INPP4B: variants seen among roughly 807,000 people sequenced by gnomAD.
The protein encoded by INPP4B is inositol polyphosphate 4-phosphatase type II.
In INPP4B, 55 loss-of-function variants were observed where a neutral mutation model predicts 122.5. That is an observed-to-expected ratio of 0.45 (90% CI 0.36 to 0.56). The LOEUF (loss-of-function observed/expected upper bound fraction) is 0.56. Among genes scored for constraint, INPP4B ranks in the 20% least tolerant of loss-of-function variants. INPP4B has a pLI of 0.00. For synonymous variants in INPP4B, 403 were observed against 388.7 expected (o/e 1.04, Z -0.43); for missense variants, 1,000 against 1,097.7 (o/e 0.91, Z 1.26).
At chr4:142,346,606 A>G (rs931909172) in intron 7 of INPP4B, among the ~76,000 whole-genome samples, 2 of 152,026 alleles carry the variant, frequency 1.3e-5, no homozygotes, top group African/African-American at 4.8e-5. Flanking sequence ...AAGAGAAAGA[A>G]TACTACAAAA....
intron 25 of INPP4B, among the ~76,000 whole-genome samples, chr4:142,041,223 T>A (rs1366738325): frequency 6.6e-6 from 1 of 152,148 alleles, no homozygotes. Context: ...GTTCTTCCCC[T>A]TAAAATGAGA....
intron 2 of INPP4B, among the ~76,000 whole-genome samples, chr4:142,569,013 A>T (rs1321594044): frequency 6.6e-6 from 1 of 152,182 alleles, no homozygotes; most frequent in Non-Finnish European, 1.5e-5. Context: ...AAAATGTTTT[A>T]GATAAATCAG....
chr4:142,110,415 T>C (rs1789428183), intron 22 of INPP4B, among the ~76,000 whole-genome samples: 1 of 152,150 alleles, frequency 6.6e-6, no homozygotes, highest in South Asian at 2.1e-4. Flanking sequence ...AGCAGACTAA[T>C]AGTATTTATT....
At chr4:142,032,041 G>A (rs1740558302) in intron 25 of INPP4B, among the ~76,000 whole-genome samples, 2 of 152,162 alleles carry the variant, frequency 1.3e-5, no homozygotes, top group Non-Finnish European at 2.9e-5. Flanking sequence ...ATTTTAAATA[G>A]GAAAGTTAGA....
chr4:142,442,411 C>CAAA (rs70949167), intron 3 of INPP4B, among the ~76,000 whole-genome samples: 46,004 of 78,396 alleles, frequency 0.59, 15,040 homozygotes, highest in Non-Finnish European at 0.73. Context: ...GACTCCATCT[C>CAAA]AAAAAAAAAA....
rs894216661 is a variant in INPP4B, at chr4:142,431,042, A to C, written c.91+127T>G. ...TAGTGCAAAGGAAAAATACTTTGGT[A>C]ATTTCATGCCATTTATTAGAACCGA... On this transcript the variant is annotated intron_variant, in intron 4 of 25. Coordinates refer to ENST00000262992, the MANE Select transcript of INPP4B (RefSeq NM_001101669.3). 2.1e-5 allele frequency: 14 copies of C among 659,268 alleles called. No individual in the cohort carries two copies. In the South Asian group the frequency reaches 2.7e-4, roughly 13 times the overall value. 40.8% of individuals were successfully genotyped at this position (659,268 alleles called of 1,614,324 possible). A position where few individuals can be genotyped will look rare whatever the true frequency, so the allele number is the denominator to read the frequency against.
chr4:142,059,573 G>T (rs1301247016), intron 25 of INPP4B, among the ~76,000 whole-genome samples: 1 of 152,056 alleles, frequency 6.6e-6, no homozygotes, highest in Admixed American at 6.6e-5. Context: ...CTCAAAAATT[G>T]CTTACTTGTT....
Position 142,160,480 on chromosome 4 carries a change from T to C in INPP4B, c.1441A>G (p.Ile481Val), listed in dbSNP as rs753622557. 9 of 1,612,784 alleles carry C rather than the reference T, an allele frequency of 5.6e-6. No homozygotes were observed. In the East Asian group the frequency reaches 8.9e-5, roughly 16 times the overall value. ...TTAGGAGAGGGTGGCTTCTTAAGAA[T>C]GCCTCCTGGCCTTGCAGTGTAGAGT... ...LALYTARPGG[I>V]LKKPPSPKSS... is the part of the protein sequence containing the mutation. The change falls in exon 17 of 26, where the codon ATT (isoleucine) becomes GTT (valine). Residue 481 changes from isoleucine to valine, a missense_variant. Transcript: ENST00000262992.
At chr4:142,068,212 T>A (rs1561002235) in intron 25 of INPP4B, among the ~76,000 whole-genome samples, 1 of 152,186 alleles carries the variant, frequency 6.6e-6, no homozygotes, top group Admixed American at 6.5e-5. Context: ...CAACCCAGAA[T>A]TTCATATCCA....
chr4:142,617,508 G>T (rs1279161597), intron 2 of INPP4B, among the ~76,000 whole-genome samples: 1 of 152,036 alleles, frequency 6.6e-6, no homozygotes, highest in Non-Finnish European at 1.5e-5. Flanking sequence ...AAAAGCTCAC[G>T]GCTGGAGAGA....
intron 2 of INPP4B, among the ~76,000 whole-genome samples, chr4:142,680,158 AT>A (rs999960540): frequency 7.9e-5 from 12 of 151,818 alleles, no homozygotes; most frequent in Non-Finnish European, 1.6e-4. Context: ...AGACTTCATT[AT>A]TTTTAGACTA....
intron 23 of INPP4B, among the ~76,000 whole-genome samples, chr4:142,086,556 T>A (rs1776890222): frequency 6.6e-6 from 1 of 152,094 alleles, no homozygotes; most frequent in Non-Finnish European, 1.5e-5. Flanking sequence ...GTTTGGCCAT[T>A]GTCACCCAGG....
chr4:142,806,106 C>T (rs1221882424), intron 1 of INPP4B, among the ~76,000 whole-genome samples: 1 of 151,648 alleles, frequency 6.6e-6, no homozygotes, highest in Non-Finnish European at 1.5e-5. Context: ...GGTGAAACCC[C>T]GTCTGTACTA....
At chr4:142,108,632 C>T (rs1469797974) in intron 22 of INPP4B, among the ~76,000 whole-genome samples, 1 of 152,132 alleles carries the variant, frequency 6.6e-6, no homozygotes, top group African/African-American at 2.4e-5. Flanking sequence ...CTGGGCTGCA[C>T]GCAGTCTTGC....
rs373068246 is a variant in INPP4B, at chr4:142,136,939, C to T, written c.1720+8901G>A. On this transcript the variant is annotated intron_variant, in intron 18 of 25. Transcript: ENST00000262992. ...ACTCATGGGCAGGAAGAATCAATAT[C>T]GTGAAAATGGCCATACTGCCCAAGG... 3.3e-3 allele frequency among the ~76,000 whole-genome samples: 506 copies of T among 152,200 alleles called. 3 individuals carry two copies. Among genetic ancestry groups the T allele is most frequent in the African/African-American group, 0.011 (451 of 41,528 alleles).
chr4:142,469,410 CAGCATAAAT>C (rs1487698853), intron 2 of INPP4B, among the ~76,000 whole-genome samples: 1 of 151,994 alleles, frequency 6.6e-6, no homozygotes, highest in African/African-American at 2.4e-5. Context: ...GAAATATTTA[CAGCATAAAT>C]ATCAATTCCT....
chr4:142,223,816 G>C (rs142321806), intron 12 of INPP4B, among the ~76,000 whole-genome samples: 21 of 152,192 alleles, frequency 1.4e-4, no homozygotes, highest in Non-Finnish European at 2.6e-4. Context: ...CAATGGTAGA[G>C]CCCTGATGTG....
At chr4:142,725,019 C>T (rs984155288) in intron 2 of INPP4B, among the ~76,000 whole-genome samples, 3 of 151,990 alleles carry the variant, frequency 2.0e-5, no homozygotes, top group Non-Finnish European at 4.4e-5. Context: ...AATAAGTAGA[C>T]AGGACTCAAT....
At chr4:142,623,642 T>A (rs1745497122) in intron 2 of INPP4B, among the ~76,000 whole-genome samples, 1 of 151,936 alleles carries the variant, frequency 6.6e-6, no homozygotes, top group African/African-American at 2.4e-5. Context: ...TATGTATACA[T>A]GTGCCATGCT....
Sources: allele counts gnomAD v4.1 joint callset (sites outside exome capture counted in the v4.1 genomes callset), GRCh38; gene constraint gnomAD v4.1.1; transcripts MANE v1.5; gene names NCBI Gene and HGNC (gene_info 2026-07-23, HGNC 2026-07-21).